The following BBS2 variants were observed in gnomAD, a reference collection of about 807,000 sequenced individuals.
BBS2 encodes the protein Bardet-Biedl syndrome 2.
Under a neutral mutation model 83.0 loss-of-function variants are expected in BBS2, and 62 were observed. That is an observed-to-expected ratio of 0.75 (90% CI 0.61 to 0.92). The LOEUF (loss-of-function observed/expected upper bound fraction) is 0.92, where lower values mean the gene tolerates loss of function less well. Ranked by LOEUF, BBS2 falls within the 40% of genes least tolerant of loss-of-function variation. The probability of loss-of-function intolerance (pLI) is 0.00; values close to 1 mark genes in which losing one functional copy is unlikely to be tolerated. For synonymous variants in BBS2, 303 were observed against 326.1 expected (o/e 0.93, Z 0.76); for missense variants, 784 against 901.0 (o/e 0.87, Z 1.66).
chr16:56,476,745 C>T (rs946958482), intron 17 of BBS2: 1 of 152,288 alleles, frequency 6.6e-6, no homozygotes, highest in Non-Finnish European at 1.5e-5. Flanking sequence ...TGGAATCATA[C>T]AGTATTTGTC....
chr16:56,472,952 GAC>G (rs1405001115), intron 17 of BBS2, among the ~76,000 whole-genome samples: 1 of 144,614 alleles, frequency 6.9e-6, no homozygotes, highest in East Asian at 2.0e-4. Flanking sequence ...TTGGTTTGGA[GAC>G]AGAGTCTCGC....
intron 17 of BBS2, among the ~76,000 whole-genome samples, chr16:56,474,609 C>G (rs1459641142): frequency 6.6e-6 from 1 of 152,032 alleles, no homozygotes; most frequent in Non-Finnish European, 1.5e-5. Context: ...CATGAGCCAC[C>G]ATGCCCGGCC....
intron 1 of BBS2, among the ~76,000 whole-genome samples, chr16:56,518,921 C>A (rs1188294742): frequency 2.0e-5 from 3 of 152,164 alleles, no homozygotes; most frequent in African/African-American, 7.2e-5. Context: ...ATAGTAAACA[C>A]CTAATACTTA....
At chr16:56,493,933 T>G (rs1475186546) in intron 15 of BBS2, among the ~76,000 whole-genome samples, 7 of 152,100 alleles carry the variant, frequency 4.6e-5, no homozygotes, top group Non-Finnish European at 1.0e-4. Flanking sequence ...AAGCAAATAG[T>G]TATGTTGATA....
intron 15 of BBS2, among the ~76,000 whole-genome samples, chr16:56,490,106 C>A (rs1963900945): frequency 6.9e-6 from 1 of 145,016 alleles, no homozygotes; most frequent in South Asian, 2.3e-4. Context: ...ACAGTGAGAC[C>A]CTATCTCACA....
intron 4 of BBS2, 57 bp from the exon 5 acceptor site, chr16:56,510,091 G>C (rs1964534920): frequency 6.4e-7 from 1 of 1,551,168 alleles, no homozygotes; most frequent in South Asian, 1.1e-5. Flanking sequence ...CAAAATTTCT[G>C]TAAACAAAAC....
At chr16:56,476,405 A>T (rs76812608) in intron 17 of BBS2, 6 of 180,300 alleles carry the variant, frequency 3.3e-5, no homozygotes, top group East Asian at 8.2e-5. Flanking sequence ...TCTCTTGATT[A>T]AAAAAAAAAA....
chr16:56,475,074 A>G, intron 17 of BBS2: 1 of 996,534 alleles, frequency 1.0e-6, no homozygotes, highest in Non-Finnish European at 1.5e-6. Context: ...ACATCATGGG[A>G]TCTCAAAGTC....
chr16:56,502,517 G>A (rs1300859769), intron 8 of BBS2, 61 bp from the exon 9 acceptor site: 15 of 1,612,602 alleles, frequency 9.3e-6, no homozygotes, highest in Non-Finnish European at 1.3e-5. Flanking sequence ...TCAATTACCT[G>A]CTCTTAAAAA....
chr16:56,474,738 C>T, intron 17 of BBS2: 1 of 946,426 alleles, frequency 1.1e-6, no homozygotes, highest in Non-Finnish European at 1.6e-6. Context: ...CCCTGTGTTG[C>T]TGTATCATTC....
downstream of BBS2, among the ~76,000 whole-genome samples, chr16:56,483,655 G>C (rs561300319): frequency 4.6e-5 from 7 of 151,744 alleles, no homozygotes; most frequent in Admixed American, 3.9e-4. Context: ...TTTGTTGTTT[G>C]CACCCATCTT....
Position 56,498,556 on chromosome 16 carries a change from G to A in BBS2, c.1540C>T (p.Leu514Phe). ...TCTGGTAACAGAAAGTTCTGACCGA[G>A]CCATACAACAACCTTGAAAATGAAC... is the stretch of plus-strand genomic sequence containing the variant. ...AERAQRVVVW[L>F]GQNFLLPEDT... The change falls in exon 13 of 17, where the codon CTC becomes TTC. Residue 514 changes from leucine (L) to phenylalanine (F), a missense_variant. Coordinates refer to ENST00000245157, the MANE Select transcript of BBS2 (RefSeq NM_031885.5). 6.2e-7 allele frequency: 1 copy of A among 1,613,872 alleles called. No individual in the cohort carries two copies. The highest frequency in any genetic ancestry group is 1.7e-5 in the Admixed American group (1 of 60,004).
chr16:56,506,154 A>C lies in BBS2; in HGVS notation c.683T>G (p.Val228Gly). The change falls in exon 6 of 17, where the codon GTT becomes GGT. Residue 228 changes from valine (V) to glycine (G), a missense_variant. By Grantham distance (109) the Val-to-Gly change is moderately radical. Coordinates refer to ENST00000245157, the MANE Select transcript of BBS2 (RefSeq NM_031885.5). ...CCAGTATCGGGATGTTTTGTCATAAACTCCAACTGTGCCATTGGAAAGGGC... is the reference window on the plus strand; with the variant it reads ...CCAGTATCGGGATGTTTTGTCATAACCTCCAACTGTGCCATTGGAAAGGGC... ...GYALSNGTVG[V>G]YDKTSRYWRI... 1 of 1,614,044 alleles carries C rather than the reference A, an allele frequency of 6.2e-7. No individual in the cohort carries two copies. Among genetic ancestry groups the C allele is most frequent in the Non-Finnish European group, 8.5e-7 (1 of 1,179,946 alleles).
chr16:56,506,285 A>T (rs1964421513), intron 5 of BBS2, 61 bp from the exon 6 acceptor site: 1 of 1,300,834 alleles, frequency 7.7e-7, no homozygotes, highest in African/African-American at 1.5e-5. Context: ...ACTGTCAAGT[A>T]CGGCTTTATA....
At position 56,506,240 on chromosome 16, in the gene BBS2, C is replaced by T. The variant is rs1378634625; in HGVS notation, c.613-16G>A. 6.3e-7 allele frequency: 1 copy of T among 1,577,154 alleles called. No individual in the cohort carries two copies. Among genetic ancestry groups the T allele is most frequent in the African/African-American group, 1.3e-5 (1 of 74,104 alleles). On this transcript the variant is annotated splice_polypyrimidine_tract_variant and intron_variant, in intron 5 of 16. Coordinates refer to ENST00000245157, the MANE Select transcript of BBS2 (RefSeq NM_031885.5). ...AGGTGACTATCTGCAAAACAATCCACAAAAACACAACATCTTTTCATTAAG... is the reference window on the plus strand; with the variant it reads ...AGGTGACTATCTGCAAAACAATCCATAAAAACACAACATCTTTTCATTAAG...
At chr16:56,499,543 C>T in intron 12 of BBS2, 1 of 480,708 alleles carries the variant, frequency 2.1e-6, no homozygotes, top group Non-Finnish European at 3.8e-6. Flanking sequence ...GAATTAAACA[C>T]TGGTAAGAAT....
At chr16:56,497,403 C>A in intron 14 of BBS2, 1 of 489,020 alleles carries the variant, frequency 2.0e-6, no homozygotes, top group African/African-American at 1.9e-5. Context: ...TTATTTTGCT[C>A]TTTTATCTTG....
intron 9 of BBS2, 42 bp from the exon 10 acceptor site, chr16:56,501,539 A>C: frequency 6.2e-7 from 1 of 1,613,586 alleles, no homozygotes; most frequent in Non-Finnish European, 8.5e-7. Context: ...TCACCAAAAC[A>C]CTGAACTAAT....
At chr16:56,504,815 T>C (rs554299965) in intron 7 of BBS2, among the ~76,000 whole-genome samples, 2 of 152,228 alleles carry the variant, frequency 1.3e-5, no homozygotes, top group Non-Finnish European at 1.5e-5. Context: ...CTGAATGTTT[T>C]TGCCCCCACA....
Sources: gnomAD v4.1 joint callset for allele counts (sites outside exome capture counted in the v4.1 genomes callset) on GRCh38, gnomAD v4.1.1 for gene constraint, MANE v1.5 for transcripts, NCBI Gene and HGNC (gene_info 2026-07-23, HGNC 2026-07-21) for gene names.